Variants in NIN observed in about 807,000 individuals in gnomAD.
NIN encodes glycogen synthase kinase 3 beta-interacting protein.
NIN carries 137 observed loss-of-function variants against 257.6 expected under a neutral mutation model. The ratio of observed to expected loss-of-function variants is 0.53; its 90% confidence interval spans 0.46 to 0.61. NIN has a LOEUF of 0.61. Ranked by LOEUF, NIN falls within the 20% of genes least tolerant of loss-of-function variation. NIN has a pLI of 0.00. For missense variants in NIN, 2,439 were observed against 2,501.2 expected, an observed-to-expected ratio of 0.98 and a Z score of 0.53; for synonymous variants, 918 against 919.8, an observed-to-expected ratio of 1.00 and a Z score of 0.04.
At chr14:50,728,138 G>T (rs1194411533) in intron 29 of NIN, among the ~76,000 whole-genome samples, 2 of 152,072 alleles carry the variant, frequency 1.3e-5, no homozygotes, top group African/African-American at 4.8e-5. Context: ...ACATTGGTGG[G>T]TGGGTTGGAA....
At chr14:50,774,075 T>G (rs2042832408) in intron 7 of NIN, among the ~76,000 whole-genome samples, 1 of 152,186 alleles carries the variant, frequency 6.6e-6, no homozygotes, top group African/African-American at 2.4e-5. Flanking sequence ...TCTAATATGG[T>G]AAGTCTGGTG....
rs372491532 is a variant in NIN, at chr14:50,739,558, A to T, written c.5449-71T>A. Reference sequence around the variant, plus strand: ...TAATTGCTGTTTTGAGACAGGTGTCATGTTTACCCAATGACAACGACTCCT... The same window carrying T: ...TAATTGCTGTTTTGAGACAGGTGTCTTGTTTACCCAATGACAACGACTCCT... On this transcript the variant is annotated intron_variant, in intron 25 of 30. Transcript: ENST00000530997. 2.1e-5 allele frequency: 31 copies of T among 1,446,958 alleles called. No individual in the cohort carries two copies. The East Asian group carries it at 3.0e-4, about 14-fold the overall frequency. 89.6% of individuals were successfully genotyped at this position (1,446,958 alleles called of 1,614,324 possible).
intron 14 of NIN, 102 bp from the exon 15 acceptor site, chr14:50,764,066 T>C: frequency 9.4e-7 from 1 of 1,063,528 alleles, no homozygotes; most frequent in Non-Finnish European, 1.4e-6. Context: ...ACAAAATCTT[T>C]TGTGCTTCAA....
intron 30 of NIN, 70 bp from the exon 31 acceptor site, chr14:50,723,742 G>A: frequency 7.7e-7 from 1 of 1,290,606 alleles, no homozygotes. Flanking sequence ...TTTAAGGTCT[G>A]ACATAAGGAC....
intron 29 of NIN, among the ~76,000 whole-genome samples, chr14:50,729,252 T>G (rs1336048132): frequency 6.3e-5 from 9 of 142,430 alleles, no homozygotes; most frequent in Admixed American, 6.2e-4. Flanking sequence ...GGATTGTGAT[T>G]TTGTTTTTTT....
At chr14:50,741,904 A>T in intron 24 of NIN, 176 bp from the exon 25 acceptor site, 1 of 561,672 alleles carries the variant, frequency 1.8e-6, no homozygotes, top group South Asian at 3.0e-5. Flanking sequence ...TATTTACAGG[A>T]TGTTAAATTA....
Position 50,790,532 on chromosome 14 carries a change from T to C in NIN, c.435+2180A>G, listed in dbSNP as rs755217820. Among the ~76,000 whole-genome samples the C allele has an allele frequency of 4.1e-4, 62 of 152,298 alleles. 1 individual carries two copies. The highest frequency in any genetic ancestry group is 7.9e-4 in the Non-Finnish European group (54 of 68,022). On this transcript the variant is annotated intron_variant, in intron 5 of 30. Transcript: ENST00000530997. The stretch of plus-strand genomic sequence containing the variant: ...TCTTGTATTCCTACAGGCATTGCTC[T>C]GGTGTGGGATATAACAGAATAGCGA...
intron 5 of NIN, among the ~76,000 whole-genome samples, chr14:50,781,696 C>T (rs747614006): frequency 1.5e-4 from 23 of 152,194 alleles, no homozygotes; most frequent in South Asian, 4.1e-4. Context: ...AAGCTTCTGA[C>T]GACTTCTGCC....
intron 10 of NIN, 94 bp from the exon 11 acceptor site, chr14:50,771,086 G>A: frequency 6.9e-7 from 1 of 1,446,128 alleles, no homozygotes; most frequent in Non-Finnish European, 9.3e-7. Flanking sequence ...CAATACAGAA[G>A]CAAAACCAAG....
chr14:50,821,980 C>T lies in NIN; in HGVS notation c.77G>A (p.Gly26Glu). 3.1e-6 allele frequency: 5 copies of T among 1,614,176 alleles called. No homozygotes were observed. Among genetic ancestry groups the T allele is most frequent in the Non-Finnish European group, 4.2e-6 (5 of 1,180,026 alleles). The stretch of plus-strand genomic sequence containing the variant: ...GGTGAGTTCCTCCTGCCCCAGGGAC[C>T]CTGTGCCCGTCGTGTCAAAACTGTC... ...LFDSFDTTGTGSLGQEELTDL... is the reference protein window; with the variant it reads ...LFDSFDTTGTESLGQEELTDL... Residue 26 changes from glycine (G) to glutamate (E), a missense_variant, in exon 3 of 31, where the codon GGG becomes GAG. By Grantham distance (98) the Gly-to-Glu change is moderately conservative. This residue lies in a region of NIN where 387 missense variants were observed against 427.3 expected (regional missense o/e 0.91). Coordinates refer to ENST00000530997, the MANE Select transcript of NIN (RefSeq NM_020921.4).
At chr14:50,767,153 T>TG (rs1385860311) in intron 12 of NIN, among the ~76,000 whole-genome samples, 1 of 152,250 alleles carries the variant, frequency 6.6e-6, no homozygotes, top group African/African-American at 2.4e-5. Context: ...TACTGGGTAC[T>TG]GGGCCCTTGA....
At position 50,739,364 on chromosome 14, in the gene NIN, T is replaced by C. The variant is rs2041160619; in HGVS notation, c.5572A>G (p.Arg1858Gly). ...EQQLLWQENE[R>G]LQTMVQNTKA... ...GTGTTCTGTACCATGGTCTGGAGCC[T>C]CTCATTCTCTTGCCAAAGCAGCTGC... is the stretch of plus-strand genomic sequence containing the variant. The change falls in exon 26 of 31, where the codon AGG (arginine) becomes GGG (glycine). Residue 1858 changes from arginine to glycine, a missense_variant. Arg to Gly is a moderately radical substitution (Grantham distance 125). Around this residue, in one of 3 missense-constraint regions of NIN, gnomAD observed 2,043 missense variants for 2,050.2 expected, o/e 1.00. Coordinates refer to ENST00000530997, the MANE Select transcript of NIN (RefSeq NM_020921.4). 1.9e-6 allele frequency: 3 copies of C among 1,614,238 alleles called. No homozygotes were observed. Among genetic ancestry groups the C allele is most frequent in the Non-Finnish European group, 8.5e-7 (1 of 1,180,044 alleles).
chr14:50,827,494 T>C (rs1420767558), intron 2 of NIN, among the ~76,000 whole-genome samples: 1 of 151,596 alleles, frequency 6.6e-6, no homozygotes, highest in Non-Finnish European at 1.5e-5. Flanking sequence ...ATGCCTGTAA[T>C]CATAGCACTT....
At chr14:50,741,145 A>G (rs573630084) in intron 25 of NIN, among the ~76,000 whole-genome samples, 49 of 152,270 alleles carry the variant, frequency 3.2e-4, no homozygotes, top group Non-Finnish European at 5.7e-4. Context: ...ATTTCTTGCA[A>G]TGTTTTTCTA....
At chr14:50,822,957 A>T (rs569783197) in intron 2 of NIN, among the ~76,000 whole-genome samples, 17 of 152,182 alleles carry the variant, frequency 1.1e-4, no homozygotes, top group African/African-American at 4.1e-4. Flanking sequence ...GGGAACCTCC[A>T]CTCACTAAAG....
chr14:50,767,626 G>T (rs1054595472), intron 12 of NIN, among the ~76,000 whole-genome samples: 5 of 152,016 alleles, frequency 3.3e-5, no homozygotes, highest in African/African-American at 7.3e-5. Context: ...GACCATCCTG[G>T]CGAACACGGT....
At chr14:50,759,727 G>A (rs979019657) in intron 17 of NIN, 130 bp downstream of exon 17, 3 of 919,932 alleles carry the variant, frequency 3.3e-6, no homozygotes, top group Non-Finnish European at 4.9e-6. Flanking sequence ...CTGACCTCGT[G>A]ATCCGCCCAC....
At chr14:50,744,020 T>G (rs2041417035) in intron 23 of NIN, among the ~76,000 whole-genome samples, 1 of 152,214 alleles carries the variant, frequency 6.6e-6, no homozygotes, top group Non-Finnish European at 1.5e-5. Flanking sequence ...AGAAACATTT[T>G]GTATTATCGA....
Position 50,777,126 on chromosome 14 carries a change from A to G in NIN, c.489T>C (p.Phe163=). The change falls in exon 7 of 31, where the codon TTT becomes TTC. Residue 163 remains phenylalanine (F), a synonymous_variant. Transcript: ENST00000530997. ...EEYEAEGQLR[F]WNPDDLNASQ... ...AAGCATTCAAGTCATCTGGGTTCCA[A>G]AACCTTAACTGGCCTGAGAGAGAAG... 1 of 1,610,056 alleles carries G rather than the reference A, an allele frequency of 6.2e-7. No homozygotes were observed. The highest frequency in any genetic ancestry group is 1.7e-5 in the Admixed American group (1 of 59,246).
Sources: allele counts gnomAD v4.1 joint callset (sites outside exome capture counted in the v4.1 genomes callset), GRCh38; gene constraint gnomAD v4.1.1; regional missense constraint gnomAD v4.1.1; transcripts MANE v1.5; gene names NCBI Gene and HGNC (gene_info 2026-07-23, HGNC 2026-07-21).